CTNNA2: variants seen among roughly 807,000 people sequenced by gnomAD.
CTNNA2 encodes the protein catenin alpha 2.
CTNNA2 carries 42 observed loss-of-function variants against 101.0 expected under a neutral mutation model. The observed-to-expected ratio is 0.42, with a 90% CI of 0.32 to 0.54. The LOEUF is 0.54. Ranked by LOEUF, CTNNA2 falls within the 20% of genes least tolerant of loss-of-function variation. The pLI is 0.14. For missense variants in CTNNA2, 871 were observed against 1,223.1 expected (o/e 0.71, Z 4.29); for synonymous variants, 450 against 456.4 (o/e 0.99, Z 0.18).
At chr2:79,446,256 G>A (rs1323663665) in intron 4 of CTNNA2, among the ~76,000 whole-genome samples, 4 of 151,800 alleles carry the variant, frequency 2.6e-5, no homozygotes, top group Non-Finnish European at 4.4e-5. Flanking sequence ...TATTTTGTAC[G>A]CCAATAAATG....
chr2:80,177,125 G>T (rs1705440918), intron 7 of CTNNA2, among the ~76,000 whole-genome samples: 2 of 152,204 alleles, frequency 1.3e-5, no homozygotes, highest in Admixed American at 1.3e-4. Context: ...GCTTTAGGGT[G>T]ATGGGGAACA....
In CTNNA2 at chr2:79,477,429, C is replaced by A. The variant is rs1050066123; in HGVS notation, c.-134-27625C>A. Reference sequence around the variant, plus strand: ...CAGGTAATCAACCTGCCTTGGCCTCCCAAAGTGCTAGGATTACAGGCATGA... The same window carrying A: ...CAGGTAATCAACCTGCCTTGGCCTCACAAAGTGCTAGGATTACAGGCATGA... On this transcript the variant is annotated intron_variant, in intron 4 of 21. Transcript: ENST00000466387. Among the ~76,000 whole-genome samples, 15 of 152,096 alleles carry A rather than the reference C, an allele frequency of 9.9e-5. 1 individual carries two copies. The highest frequency in any genetic ancestry group is 7.9e-4 in the Admixed American group (12 of 15,272).
At chr2:79,734,116 G>T (rs1341687876) in intron 2 of CTNNA2, among the ~76,000 whole-genome samples, 1 of 152,090 alleles carries the variant, frequency 6.6e-6, no homozygotes, top group African/African-American at 2.4e-5. Flanking sequence ...CAGCTTTCCT[G>T]AGATGGGCAC....
At chr2:79,724,654 A>G (rs1686703682) in intron 2 of CTNNA2, among the ~76,000 whole-genome samples, 1 of 151,820 alleles carries the variant, frequency 6.6e-6, no homozygotes, top group African/African-American at 2.4e-5. Context: ...TCTCTACTAA[A>G]AATACAAAAA....
intron 3 of CTNNA2, among the ~76,000 whole-genome samples, chr2:79,329,527 C>T (rs1676823003): frequency 6.6e-6 from 1 of 152,068 alleles, no homozygotes; most frequent in Non-Finnish European, 1.5e-5. Context: ...CTACACTTGG[C>T]AGATATTTCA....
intron 7 of CTNNA2, among the ~76,000 whole-genome samples, chr2:79,967,443 G>A (rs888303801): frequency 1.3e-5 from 2 of 152,104 alleles, no homozygotes; most frequent in Admixed American, 6.5e-5. Flanking sequence ...CTCAACTAAT[G>A]CAAGGGATTC....
chr2:80,606,089 G>A (rs1329912283), intron 16 of CTNNA2, among the ~76,000 whole-genome samples: 1 of 151,800 alleles, frequency 6.6e-6, no homozygotes, highest in African/African-American at 2.4e-5. Context: ...TTCTGCAGAT[G>A]TTGAGAAGAG....
In CTNNA2 at chr2:79,926,659, C is replaced by T. The variant is rs1328347041; in HGVS notation, c.1056+16862C>T. Among the ~76,000 whole-genome samples the T allele has an allele frequency of 2.6e-5, 4 of 151,644 alleles. 1 individual carries two copies. Among genetic ancestry groups the T allele is most frequent in the Middle Eastern group, 6.8e-3 (2 of 294 alleles). Reference sequence around the variant, plus strand: ...TAGTTATTATAGTATAACAGTGCTGCGGGGGCTACTTGCTGACAAGGGTAA... The same window carrying T: ...TAGTTATTATAGTATAACAGTGCTGTGGGGGCTACTTGCTGACAAGGGTAA... On this transcript the variant is annotated intron_variant, in intron 7 of 18. Transcript: ENST00000402739.
intron 17 of CTNNA2, among the ~76,000 whole-genome samples, chr2:80,616,023 A>G (rs72811015): frequency 4.3e-4 from 66 of 151,766 alleles, no homozygotes; most frequent in Non-Finnish European, 8.9e-4. Context: ...TTTATCATCA[A>G]TACTGTATCT....
chr2:80,479,314 C>T (rs1334298657), intron 9 of CTNNA2, among the ~76,000 whole-genome samples: 3 of 151,906 alleles, frequency 2.0e-5, no homozygotes, highest in Non-Finnish European at 2.9e-5. Context: ...TTTTGGCTGC[C>T]GGACATGGTG....
At chr2:79,998,006 A>T (rs1267235844) in intron 7 of CTNNA2, among the ~76,000 whole-genome samples, 1 of 152,212 alleles carries the variant, frequency 6.6e-6, no homozygotes, top group East Asian at 1.9e-4. Flanking sequence ...TTTGGTGAAC[A>T]CTAAAATCCT....
chr2:79,832,238 A>C (rs1678984876), intron 3 of CTNNA2, among the ~76,000 whole-genome samples: 1 of 152,152 alleles, frequency 6.6e-6, no homozygotes, highest in Non-Finnish European at 1.5e-5. Flanking sequence ...CACTACCTAG[A>C]GGAATTTGAA....
At chr2:80,494,977 A>T (rs1046841429) in intron 9 of CTNNA2, among the ~76,000 whole-genome samples, 7 of 152,188 alleles carry the variant, frequency 4.6e-5, no homozygotes, top group Middle Eastern at 3.2e-3. Flanking sequence ...CAAAAATATT[A>T]TCAAAGAAAT....
intron 7 of CTNNA2, among the ~76,000 whole-genome samples, chr2:80,059,528 A>G (rs1409748988): frequency 6.6e-6 from 1 of 152,198 alleles, no homozygotes; most frequent in East Asian, 1.9e-4. Context: ...CAAGCATGTC[A>G]AGGAATATTT....
intron 2 of CTNNA2, among the ~76,000 whole-genome samples, chr2:79,247,587 G>T (rs939819936): frequency 2.0e-5 from 3 of 152,198 alleles, no homozygotes; most frequent in Non-Finnish European, 4.4e-5. Flanking sequence ...AAAAGATTAA[G>T]AAGAGGAGAG....
intron 1 of CTNNA2, among the ~76,000 whole-genome samples, chr2:79,540,160 G>A (rs1358439587): frequency 1.3e-5 from 2 of 152,100 alleles, no homozygotes; most frequent in Non-Finnish European, 2.9e-5. Flanking sequence ...GAATGAGTAA[G>A]AGAAAAAGGA....
intron 7 of CTNNA2, chr2:80,313,390 T>G (rs1677785712): frequency 7.3e-7 from 1 of 1,363,026 alleles, no homozygotes; most frequent in Non-Finnish European, 9.5e-7. Context: ...GAAGCAGAGT[T>G]AGATAAAATG....
intron 1 of CTNNA2, among the ~76,000 whole-genome samples, chr2:79,549,918 G>A (rs371191972): frequency 6.6e-6 from 1 of 152,260 alleles, no homozygotes; most frequent in East Asian, 1.9e-4. Context: ...GAGCCAAACC[G>A]AGAGTTCTGC....
intron 7 of CTNNA2, among the ~76,000 whole-genome samples, chr2:80,295,946 C>T (rs750860441): frequency 6.6e-6 from 1 of 152,160 alleles, no homozygotes; most frequent in African/African-American, 2.4e-5. Flanking sequence ...GTTTGCAGTT[C>T]TTGTATCTCT....
Sources: allele counts gnomAD v4.1 joint callset (sites outside exome capture counted in the v4.1 genomes callset), GRCh38; gene constraint gnomAD v4.1.1; transcripts MANE v1.5; gene names NCBI Gene and HGNC (gene_info 2026-07-23, HGNC 2026-07-21).